Variants in ATP2C2 observed in about 807,000 individuals in gnomAD.
ATP2C2 encodes the protein calcium-transporting ATPase type 2C member 2.
A neutral mutation model predicts 110.8 loss-of-function variants in ATP2C2; 171 were observed. That is an observed-to-expected ratio of 1.54 (90% CI 1.36 to 1.75). ATP2C2 has a LOEUF of 1.75. Ranked by LOEUF, ATP2C2 falls within the 40% of genes most tolerant of loss-of-function variation. ATP2C2 has a pLI of 0.00. For missense variants in ATP2C2, 1,963 were observed against 1,235.0 expected (o/e 1.59, Z -8.84); for synonymous variants, 804 against 508.4 (o/e 1.58, Z -7.82).
rs192328941 is a variant in ATP2C2 at position 84,398,451 on chromosome 16, C to T, written c.100-48C>T. 7.1e-4 allele frequency: 778 copies of T among 1,094,888 alleles called. 6 individuals carry two copies. In the African/African-American group the frequency reaches 1.0e-2, roughly 14 times the overall value. The allele number at this position is 1,094,888 out of a possible 1,614,324, so 67.8% of individuals were successfully genotyped here. A position where few individuals can be genotyped will look rare whatever the true frequency, so the allele number is the denominator to read the frequency against. ...ATAAAAAATAAATTTAAAAATTAAT[C>T]AGTACAAAAGTTCAATCCGCTAAAC... On this transcript the variant is annotated intron_variant, in intron 1 of 26. Coordinates refer to ENST00000262429, the MANE Select transcript of ATP2C2 (RefSeq NM_014861.4).
intron 14 of ATP2C2, 76 bp from the exon 15 acceptor site, chr16:84,442,434 A>C: frequency 7.1e-7 from 1 of 1,412,638 alleles, no homozygotes; most frequent in South Asian, 1.2e-5. Context: ...AGCTGTAAAA[A>C]TGGGACAGGC....
At chr16:84,412,581 T>C (rs1906472883) in intron 6 of ATP2C2, among the ~76,000 whole-genome samples, 1 of 151,780 alleles carries the variant, frequency 6.6e-6, no homozygotes, top group Non-Finnish European at 1.5e-5. Context: ...TGTGTGTGTG[T>C]GGAGATGGGG....
At chr16:84,418,207 G>A (rs1337874048) in intron 7 of ATP2C2, among the ~76,000 whole-genome samples, 1 of 152,208 alleles carries the variant, frequency 6.6e-6, no homozygotes, top group African/African-American at 2.4e-5. Flanking sequence ...CATGAGCCCT[G>A]TGTGTGGGAG....
In ATP2C2 at chr16:84,459,648, A is replaced by G. The variant is rs1362608872; in HGVS notation, c.2333+262A>G. The G allele has an allele frequency of 4.9e-6, 7 of 1,433,882 alleles. No individual in the cohort carries two copies. The Admixed American group carries it at 6.0e-5, about 12-fold the overall frequency. The allele number at this position is 1,433,882 out of a possible 1,614,324, so 88.8% of individuals were successfully genotyped here. Reference sequence around the variant, plus strand: ...TGGATGCTCTCTCTGGGCAACCTGCATGGCTCATTCTCATGCTTCATTCCA... The same window carrying G: ...TGGATGCTCTCTCTGGGCAACCTGCGTGGCTCATTCTCATGCTTCATTCCA... On this transcript the variant is annotated intron_variant, in intron 23 of 26. Coordinates refer to ENST00000262429, the MANE Select transcript of ATP2C2 (RefSeq NM_014861.4).
At chr16:84,427,968 A>G (rs942875576) in intron 11 of ATP2C2, among the ~76,000 whole-genome samples, 4 of 152,256 alleles carry the variant, frequency 2.6e-5, no homozygotes, top group Admixed American at 2.6e-4. Flanking sequence ...TAGAGAAACC[A>G]GAAAGGTATA....
At position 84,455,078 on chromosome 16, in the gene ATP2C2, G is replaced by GGA; in HGVS notation, c.2147+94_2147+95insGA. 2.8e-6 allele frequency: 4 copies of GGA among 1,445,602 alleles called. 1 individual carries two copies. Among genetic ancestry groups the GGA allele is most frequent in the Non-Finnish European group, 3.8e-6 (4 of 1,055,700 alleles). The allele number at this position is 1,445,602 out of a possible 1,614,324, so 89.5% of individuals were successfully genotyped here. A position where few individuals can be genotyped will look rare whatever the true frequency, so the allele number is the denominator to read the frequency against. On this transcript the variant is annotated intron_variant, in intron 21 of 26. Coordinates refer to ENST00000262429, the MANE Select transcript of ATP2C2 (RefSeq NM_014861.4). The stretch of plus-strand genomic sequence containing the variant: ...TGCTACTGTGGAGATAGAGGGGGGG[G>GGA]TCTCGCGGAGTCCCCAGGGAGAGCT...
intron 2 of ATP2C2, among the ~76,000 whole-genome samples, chr16:84,402,045 C>G (rs1326902756): frequency 6.6e-6 from 1 of 152,116 alleles, no homozygotes. Context: ...AGATCTTTTA[C>G]TTCTTTAAGT....
intron 4 of ATP2C2, among the ~76,000 whole-genome samples, chr16:84,410,077 C>T (rs1015497847): frequency 1.3e-5 from 2 of 152,118 alleles, no homozygotes; most frequent in African/African-American, 2.4e-5. Flanking sequence ...GGCATGGTGG[C>T]ATGTGCCTGT....
At chr16:84,432,679 C>A (rs1908388828) in intron 11 of ATP2C2, among the ~76,000 whole-genome samples, 1 of 152,064 alleles carries the variant, frequency 6.6e-6, no homozygotes. Flanking sequence ...TGCCACCACA[C>A]CCAGCTAATT....
intron 15 of ATP2C2, among the ~76,000 whole-genome samples, chr16:84,446,046 A>C (rs1329829129): frequency 3.3e-5 from 5 of 152,184 alleles, no homozygotes; most frequent in African/African-American, 1.2e-4. Context: ...CAAGTCTGAA[A>C]CATTCCTCCC....
intron 15 of ATP2C2, among the ~76,000 whole-genome samples, chr16:84,443,692 A>C (rs1909477009): frequency 6.6e-6 from 1 of 151,862 alleles, no homozygotes; most frequent in South Asian, 2.1e-4. Flanking sequence ...CTGTCCCATC[A>C]CTGAGCACCA....
chr16:84,446,697 C>T (rs553508705), intron 16 of ATP2C2, among the ~76,000 whole-genome samples: 29 of 152,276 alleles, frequency 1.9e-4, no homozygotes, highest in Admixed American at 1.8e-3. Context: ...AATGCAGAAT[C>T]TCAGGTTCCA....
In ATP2C2 at chr16:84,448,666, G is replaced by A; in HGVS notation, c.1637G>A (p.Arg546Lys). 1 of 1,613,602 alleles carries A rather than the reference G, an allele frequency of 6.2e-7. No homozygotes were observed. Among genetic ancestry groups the A allele is most frequent in the Non-Finnish European group, 8.5e-7 (1 of 1,179,760 alleles). Residue 546 changes from arginine to lysine, a missense_variant, in exon 17 of 27, where the codon AGG becomes AAG. Coordinates refer to ENST00000262429, the MANE Select transcript of ATP2C2 (RefSeq NM_014861.4). Reference protein sequence around the residue: ...QRSFCLQEEKRMGSLGLRVLA... With the variant: ...QRSFCLQEEKKMGSLGLRVLA... Reference sequence around the variant, plus strand: ...TCATTCTGCCTGCAGGAAGAGAAGAGGATGGGGTCGCTCGGTTTGCGGGGT... The same window carrying A: ...TCATTCTGCCTGCAGGAAGAGAAGAAGATGGGGTCGCTCGGTTTGCGGGGT...
At chr16:84,463,183 CGCTGG>C (rs1911563466) in intron 26 of ATP2C2, among the ~76,000 whole-genome samples, 2 of 16,696 alleles carry the variant, frequency 1.2e-4, no homozygotes, top group East Asian at 0.026. Context: ...CAGAGGGAGA[CGCTGG>C]GAATTCATCC....
At chr16:84,390,129 TATGTTGAAGCAATGC>T (rs1297594369) in intron 1 of ATP2C2, among the ~76,000 whole-genome samples, 1 of 152,194 alleles carries the variant, frequency 6.6e-6, no homozygotes, top group Non-Finnish European at 1.5e-5. Flanking sequence ...TTTGGTCAAA[TATGTTGAAGCAATGC>T]ATGTCTGCAT....
rs1390393081 is a variant in ATP2C2, at chr16:84,442,549, G to A, written c.1351G>A (p.Ala451Thr). ...VANNAVIRKN[A>T]VMGQPTEGAL... ...CAACAATGCGGTCATCAGAAAGAAC[G>A]CCGTGATGGGGCAGCCCACCGAGGG... Residue 451 changes from alanine (A) to threonine (T), a missense_variant, in exon 15 of 27, where the codon GCC (alanine) becomes ACC (threonine). Transcript: ENST00000262429. 1.2e-6 allele frequency: 2 copies of A among 1,613,928 alleles called. No homozygotes were observed. The highest frequency in any genetic ancestry group is 2.2e-5 in the East Asian group (1 of 44,876).
chr16:84,453,272 G>A (rs1315030114), intron 19 of ATP2C2, 37 bp downstream of exon 19: 1 of 1,614,124 alleles, frequency 6.2e-7, no homozygotes, highest in Non-Finnish European at 8.5e-7. Flanking sequence ...GTGGGGCTGG[G>A]TCACAGCTTT....
At chr16:84,392,421 G>C (rs1904715368) in intron 1 of ATP2C2, among the ~76,000 whole-genome samples, 1 of 152,118 alleles carries the variant, frequency 6.6e-6, no homozygotes, top group Non-Finnish European at 1.5e-5. Context: ...GCCTGCACTT[G>C]GCTGGGGTCT....
rs920957989 is a variant in ATP2C2 at position 84,438,999 on chromosome 16, G to T, written c.987-167G>T. ...CAGGGGAGGGCTCAGGACAGTGGGTGCTGCAGAAGGAGGCAGGTGCACCTT... is the reference window on the plus strand; with the variant it reads ...CAGGGGAGGGCTCAGGACAGTGGGTTCTGCAGAAGGAGGCAGGTGCACCTT... On this transcript the variant is annotated intron_variant, in intron 11 of 26. Coordinates refer to ENST00000262429, the MANE Select transcript of ATP2C2 (RefSeq NM_014861.4). 3.0e-6 allele frequency: 3 copies of T among 984,686 alleles called. No individual in the cohort carries two copies. In the Admixed American group the frequency reaches 7.5e-5, roughly 25 times the overall value. 61.0% of individuals were successfully genotyped at this position (984,686 alleles called of 1,614,324 possible). A position where few individuals can be genotyped will look rare whatever the true frequency, so the allele number is the denominator to read the frequency against.
Sources: allele counts gnomAD v4.1 joint callset (sites outside exome capture counted in the v4.1 genomes callset), GRCh38; gene constraint gnomAD v4.1.1; transcripts MANE v1.5; gene names NCBI Gene and HGNC (gene_info 2026-07-23, HGNC 2026-07-21).